ANO9: variants seen among roughly 807,000 people sequenced by gnomAD.
ANO9 encodes anoctamin-9.
In ANO9, 80 loss-of-function variants were observed where a neutral mutation model predicts 100.5. The ratio of observed to expected loss-of-function variants is 0.80; its 90% CI spans 0.66 to 0.96. ANO9 has a LOEUF of 0.96. Among genes scored for constraint, ANO9 ranks in the 40% least tolerant of loss-of-function variants. ANO9 has a pLI of 0.00. For synonymous variants in ANO9, 473 were observed against 435.6 expected (o/e 1.09, Z -1.07); for missense variants, 1,064 against 1,072.7 (o/e 0.99, Z 0.11).
intron 20 of ANO9, 52 bp from the exon 21 acceptor site, chr11:419,041 C>T (rs750417054): frequency 6.8e-6 from 11 of 1,610,120 alleles, no homozygotes; most frequent in Non-Finnish European, 9.3e-6. Flanking sequence ...AGGGCGGCCC[C>T]TTCAGGCCCC....
chr11:433,936 G>A lies in ANO9; in HGVS notation c.83C>T (p.Thr28Ile). The change falls in exon 3 of 23, where the codon ACC becomes ATC. Residue 28 changes from threonine to isoleucine, a missense_variant and splice_region_variant. Coordinates refer to ENST00000332826, the MANE Select transcript of ANO9 (RefSeq NM_001012302.3). ...FPLMEISTCETEASEQWDYVL... is the reference protein window; with the variant it reads ...FPLMEISTCEIEASEQWDYVL... ...ATAGTCCCACTGCTCGGAGGCCTCG[G>A]TCTGCAGGGAGGAGGCATGGGGCCA... is the stretch of plus-strand genomic sequence containing the variant. 6.4e-7 allele frequency: 1 copy of A among 1,560,610 alleles called. No individual in the cohort carries two copies. Among genetic ancestry groups the A allele is most frequent in the Non-Finnish European group, 8.7e-7 (1 of 1,152,118 alleles).
chr11:438,526 ACT>A (rs915818521), intron 1 of ANO9, among the ~76,000 whole-genome samples: 19 of 147,612 alleles, frequency 1.3e-4, no homozygotes, highest in Non-Finnish European at 1.3e-4. Flanking sequence ...AGGCTCCGAG[ACT>A]CTGCTGCAGA....
At chr11:435,148 G>T (rs901976647) in intron 1 of ANO9, among the ~76,000 whole-genome samples, 2 of 151,508 alleles carry the variant, frequency 1.3e-5, no homozygotes, top group African/African-American at 4.8e-5. Flanking sequence ...GGTATAGTAT[G>T]GTATAGTCTA....
In ANO9 at chr11:433,798, G is replaced by A. The variant is rs575774338; in HGVS notation, c.204+17C>T. The A allele has an allele frequency of 1.8e-5, 28 of 1,550,416 alleles. No individual in the cohort carries two copies. In the Admixed American group the frequency reaches 3.1e-4, roughly 17 times the overall value. The stretch of plus-strand genomic sequence containing the variant: ...CCCCGGCCCCATGGCCCTGCCCCTC[G>A]CTGGGCACCCGCCCACCTTAATGTG... On this transcript the variant is annotated intron_variant, in intron 3 of 22. Transcript: ENST00000332826.
chr11:439,919 G>A (rs555054594), intron 1 of ANO9, among the ~76,000 whole-genome samples: 10 of 152,312 alleles, frequency 6.6e-5, no homozygotes, highest in Admixed American at 5.9e-4. Context: ...AGCGACCTGC[G>A]TGCAGCCCTC....
At position 422,692 on chromosome 11, in the gene ANO9, T is replaced by C. The variant is rs1357917328; in HGVS notation, c.1335-1494A>G. Among the ~76,000 whole-genome samples the C allele has an allele frequency of 2.0e-5, 3 of 152,208 alleles. No individual in the cohort carries two copies. ...CTTAGTTTTCACCCAGTGGGACTCA[T>C]CTAGGACTTGTGGCCTGCAGAACTG... On this transcript the variant is annotated intron_variant, in intron 15 of 22. Coordinates refer to ENST00000332826, the MANE Select transcript of ANO9 (RefSeq NM_001012302.3). The surrounding 1 kb of genome is among the most constrained non-coding windows in gnomAD (Gnocchi z 4.3).
chr11:426,670 C>T (rs1030103117), intron 15 of ANO9, among the ~76,000 whole-genome samples: 1 of 152,192 alleles, frequency 6.6e-6, no homozygotes, highest in Non-Finnish European at 1.5e-5. Flanking sequence ...CTGAAGTCCA[C>T]TCAAGACATC....
At chr11:429,513 G>C in intron 11 of ANO9, 57 bp downstream of exon 11, 1 of 1,598,768 alleles carries the variant, frequency 6.3e-7, no homozygotes, top group Admixed American at 1.7e-5. Flanking sequence ...GCAGGGCATC[G>C]GGCGCCAACA....
In ANO9 at chr11:430,775, C is replaced by T. The variant is rs1440294234; in HGVS notation, c.540-372G>A. ...TGGGGGCGTTTACAGGAGGTGGTGG[C>T]TTCTGGGTGGTGTGTGTGGATGTCT... On this transcript the variant is annotated intron_variant, in intron 7 of 22. Transcript: ENST00000332826. Among the ~76,000 whole-genome samples the T allele has an allele frequency of 1.3e-4, 9 of 66,760 alleles. No homozygotes were observed. The Admixed American group carries it at 1.4e-3, about 11-fold the overall frequency. The allele number at this position is 66,760 out of a possible 152,430, so 43.8% of individuals were successfully genotyped here.
Position 418,368 on chromosome 11 carries a change from GCCCTA to G in ANO9, c.2347_*2del, listed in dbSNP as rs1463595631. ...CCTGGTGGCCTCTGGACGGGCTCTGGCCCTACACGTCTGTGCTCCTGGCACTGAAG... is the reference window on the plus strand; with the variant it reads ...CCTGGTGGCCTCTGGACGGGCTCTGGCACGTCTGTGCTCCTGGCACTGAAG... On this transcript the variant is annotated stop_lost and 3_prime_UTR_variant, in exon 23 of 23. Coordinates refer to ENST00000332826, the MANE Select transcript of ANO9 (RefSeq NM_001012302.3). 6.2e-7 allele frequency: 1 copy of G among 1,601,196 alleles called. No individual in the cohort carries two copies. The highest frequency in any genetic ancestry group is 1.3e-5 in the African/African-American group (1 of 74,582).
chr11:429,039 G>A (rs1258869378), intron 11 of ANO9, among the ~76,000 whole-genome samples: 10 of 140,680 alleles, frequency 7.1e-5, no homozygotes, highest in African/African-American at 2.8e-4. Context: ...ACCACACGTG[G>A]GGAGACAGAC....
chr11:427,723 C>A (rs915115502), intron 15 of ANO9, among the ~76,000 whole-genome samples: 9 of 152,062 alleles, frequency 5.9e-5, no homozygotes, highest in South Asian at 4.2e-4. Context: ...CTCTCTCTCT[C>A]TCTCATATAT....
chr11:420,936 G>A lies in ANO9; in HGVS notation c.1490+9C>T, dbSNP rs778401279. The A allele has an allele frequency of 3.7e-6, 6 of 1,601,754 alleles. No individual in the cohort carries two copies. Among genetic ancestry groups the A allele is most frequent in the South Asian group, 1.1e-5 (1 of 90,640 alleles). ...GGGCTCCCGGGGCTGGGCGGGGGTC[G>A]GCACTCACGGGACCAGGTACTCGAC... On this transcript the variant is annotated intron_variant, in intron 17 of 22. Transcript: ENST00000332826.
intron 15 of ANO9, among the ~76,000 whole-genome samples, chr11:425,260 C>G (rs113610766): frequency 0.051 from 742 of 14,454 alleles, 14 homozygotes; most frequent in Middle Eastern, 0.2. Flanking sequence ...CGCGCGGGAG[C>G]AAAAGGCGGC....
In ANO9 at chr11:428,798, C is replaced by T. The variant is rs1035529458; in HGVS notation, c.944G>A (p.Cys315Tyr). 9 of 1,613,250 alleles carry T rather than the reference C, an allele frequency of 5.6e-6. No individual in the cohort carries two copies. The highest frequency in any genetic ancestry group is 6.8e-6 in the Non-Finnish European group (8 of 1,179,938). The change falls in exon 12 of 23, where the codon TGC (cysteine) becomes TAC (tyrosine). Residue 315 changes from cysteine (C) to tyrosine (Y), a missense_variant. Cys to Tyr is a radical substitution (Grantham distance 194). Coordinates refer to ENST00000332826, the MANE Select transcript of ANO9 (RefSeq NM_001012302.3). ...GTATGGCCGGAGCTTGTAGTCGGGGCAGTTAATGAGCTGAAGTGCCATTTC... is the reference window on the plus strand; with the variant it reads ...GTATGGCCGGAGCTTGTAGTCGGGGTAGTTAATGAGCTGAAGTGCCATTTC... ...QEEMALQLIN[C>Y]PDYKLRPYQH...
chr11:418,605 G>A lies in ANO9; in HGVS notation c.2131-16C>T, dbSNP rs1847981178. The stretch of plus-strand genomic sequence containing the variant: ...AGGCCACGTGCTAGCGGCAGCACAG[G>A]AGAGGCCCAGCACGGTCAGGTGCCA... On this transcript the variant is annotated splice_polypyrimidine_tract_variant and intron_variant, in intron 22 of 22. Transcript: ENST00000332826. The A allele has an allele frequency of 1.2e-6, 2 of 1,612,696 alleles. No individual in the cohort carries two copies. The highest frequency in any genetic ancestry group is 2.7e-5 in the African/African-American group (2 of 75,050).
Position 432,138 on chromosome 11 carries a change from C to A in ANO9, c.351-84G>T. 10 of 1,452,002 alleles carry A rather than the reference C, an allele frequency of 6.9e-6. No homozygotes were observed. Among genetic ancestry groups the A allele is most frequent in the Admixed American group, 1.8e-5 (1 of 54,868 alleles). 89.9% of individuals were successfully genotyped at this position (1,452,002 alleles called of 1,614,324 possible). Reference sequence around the variant, plus strand: ...CAACCTGCCCTCTGGTCTGGCCAGGCCCAGGCCCCTCCCTGTCCTGGCAGA... The same window carrying A: ...CAACCTGCCCTCTGGTCTGGCCAGGACCAGGCCCCTCCCTGTCCTGGCAGA... On this transcript the variant is annotated intron_variant, in intron 4 of 22. Transcript: ENST00000332826. This position sits in a 1 kb window ranked among gnomAD's most constrained non-coding sequence, Gnocchi z 4.8.
In ANO9 at chr11:428,402, G is replaced by C; in HGVS notation, c.1186-8C>G. The C allele has an allele frequency of 6.2e-7, 1 of 1,612,720 alleles. No individual in the cohort carries two copies. Among genetic ancestry groups the C allele is most frequent in the Non-Finnish European group, 8.5e-7 (1 of 1,179,948 alleles). On this transcript the variant is annotated splice_polypyrimidine_tract_variant and splice_region_variant and intron_variant, in intron 13 of 22. Coordinates refer to ENST00000332826, the MANE Select transcript of ANO9 (RefSeq NM_001012302.3). Reference sequence around the variant, plus strand: ...GGCCACGCACCTGTTGATCTGCGGAGGAGGGCACCGAATGGGCTCACTGGG... The same window carrying C: ...GGCCACGCACCTGTTGATCTGCGGACGAGGGCACCGAATGGGCTCACTGGG...
intron 20 of ANO9, 84 bp downstream of exon 20, chr11:419,498 A>G: frequency 6.5e-7 from 1 of 1,541,230 alleles, no homozygotes; most frequent in Non-Finnish European, 8.8e-7. Flanking sequence ...AGCCATTCCC[A>G]GGAGAAAGGG....
Sources: gnomAD v4.1 joint callset for allele counts (sites outside exome capture counted in the v4.1 genomes callset) on GRCh38, gnomAD v4.1.1 for gene constraint, Gnocchi (gnomAD v3.1) non-coding constraint, MANE v1.5 for transcripts, NCBI Gene and HGNC (gene_info 2026-07-23, HGNC 2026-07-21) for gene names.